OLA1: variants seen among roughly 807,000 people sequenced by gnomAD.
The protein encoded by OLA1 is Obg like ATPase 1.
In OLA1, 14 loss-of-function variants were observed where a neutral mutation model predicts 48.4. The observed-to-expected ratio is 0.29, with a 90% confidence interval of 0.19 to 0.45. The LOEUF (loss-of-function observed/expected upper bound fraction) is 0.45, where lower values mean the gene tolerates loss of function less well. Among genes scored for constraint, OLA1 ranks in the 20% least tolerant of loss-of-function variants. OLA1 has a pLI of 1.00. For synonymous variants in OLA1, 127 were observed against 150.4 expected, an observed-to-expected ratio of 0.84 and a Z score of 1.14; for missense variants, 325 against 467.1, an observed-to-expected ratio of 0.70 and a Z score of 2.80.
At chr2:174,095,325 G>GTTTTTTTTTTTTTTTTTTTTTTTTTCTT (rs1205716344) in intron 7 of OLA1, among the ~76,000 whole-genome samples, 1 of 78,010 alleles carries the variant, frequency 1.3e-5, no homozygotes, top group African/African-American at 5.0e-5. Flanking sequence ...GTTATTTCCT[G>GTTTTTTTTTTTTTTTTTTTTTTTTTCTT]TTTTTTTTTT....
intron 4 of OLA1, among the ~76,000 whole-genome samples, chr2:174,149,107 T>C (rs767202362): frequency 6.6e-6 from 1 of 152,178 alleles, no homozygotes; most frequent in Non-Finnish European, 1.5e-5. Context: ...TTTCCGCCTA[T>C]TTACAACTCA....
At chr2:174,186,592 C>T (rs1002813495) in intron 4 of OLA1, among the ~76,000 whole-genome samples, 4 of 152,126 alleles carry the variant, frequency 2.6e-5, no homozygotes, top group Admixed American at 6.5e-5. Context: ...TAAAATGGCA[C>T]GTGTTGTACA....
At chr2:174,158,850 C>T (rs1686948881) in intron 4 of OLA1, among the ~76,000 whole-genome samples, 1 of 152,090 alleles carries the variant, frequency 6.6e-6, no homozygotes, top group African/African-American at 2.4e-5. Context: ...ATCTAAAGTC[C>T]TCTAAGAATC....
At chr2:174,243,611 C>T (rs983075841) in intron 2 of OLA1, among the ~76,000 whole-genome samples, 4 of 152,074 alleles carry the variant, frequency 2.6e-5, no homozygotes, top group Non-Finnish European at 5.9e-5. Flanking sequence ...TAGAAATATA[C>T]CAATAAGCAA....
intron 9 of OLA1, 122 bp downstream of exon 9, chr2:174,081,030 A>C: frequency 1.3e-6 from 1 of 762,800 alleles, no homozygotes; most frequent in East Asian, 2.7e-5. Context: ...GTTATCCTGG[A>C]CAAAAACCTC....
chr2:174,235,016 AG>A (rs1204917350), intron 2 of OLA1, among the ~76,000 whole-genome samples: 1 of 152,082 alleles, frequency 6.6e-6, no homozygotes, highest in Non-Finnish European at 1.5e-5. Context: ...AAAATTAGCC[AG>A]GCATGGTGGC....
At chr2:174,170,333 C>T (rs1574525644) in intron 4 of OLA1, among the ~76,000 whole-genome samples, 1 of 152,208 alleles carries the variant, frequency 6.6e-6, no homozygotes, top group East Asian at 1.9e-4. Flanking sequence ...ATTGTAATCA[C>T]TAGAGCAATC....
chr2:174,106,776 GT>G (rs1685522135), intron 7 of OLA1, among the ~76,000 whole-genome samples: 1 of 152,108 alleles, frequency 6.6e-6, no homozygotes, highest in Admixed American at 6.6e-5. Context: ...CTATGCACTG[GT>G]GCATCAACTA....
Position 174,191,316 on chromosome 2 carries a change from C to T in OLA1, c.373+31717G>A, listed in dbSNP as rs183506502. Among the ~76,000 whole-genome samples the T allele has an allele frequency of 2.0e-4, 31 of 152,252 alleles. No homozygotes were observed. In the East Asian group the frequency reaches 5.8e-3, roughly 28 times the overall value. The stretch of plus-strand genomic sequence containing the variant: ...AACTGACAAGACAGAACAGCTTCAG[C>T]GTATGTTTACAATAACACTTTCTCC... On this transcript the variant is annotated intron_variant, in intron 4 of 10. Transcript: ENST00000284719.
intron 5 of OLA1, among the ~76,000 whole-genome samples, chr2:174,124,786 T>C (rs1175883725): frequency 6.6e-6 from 1 of 152,238 alleles, no homozygotes; most frequent in African/African-American, 2.4e-5. Flanking sequence ...CAGTTATTCT[T>C]CTTTAAATAT....
chr2:174,188,114 G>C (rs558627400), intron 4 of OLA1, among the ~76,000 whole-genome samples: 1 of 152,244 alleles, frequency 6.6e-6, no homozygotes, highest in South Asian at 2.1e-4. Flanking sequence ...CATTAATTCT[G>C]CAGAAGTACA....
intron 4 of OLA1, among the ~76,000 whole-genome samples, chr2:174,190,982 TG>T (rs1351208590): frequency 3.5e-5 from 5 of 143,476 alleles, no homozygotes; most frequent in Non-Finnish European, 7.5e-5. Flanking sequence ...AAAGTAACTC[TG>T]GGTCAAAGGA....
intron 5 of OLA1, among the ~76,000 whole-genome samples, chr2:174,129,524 T>C (rs2105371854): frequency 6.6e-6 from 1 of 150,900 alleles, no homozygotes; most frequent in Admixed American, 6.6e-5. Context: ...GAATGCATAA[T>C]GTGATTCCAT....
At chr2:174,173,664 C>A in intron 4 of OLA1, among the ~76,000 whole-genome samples, 1 of 147,352 alleles carries the variant, frequency 6.8e-6, no homozygotes. Context: ...GATATGAGAA[C>A]AAACTGGTGA....
At chr2:174,151,218 T>C (rs1686739482) in intron 4 of OLA1, among the ~76,000 whole-genome samples, 2 of 152,130 alleles carry the variant, frequency 1.3e-5, no homozygotes, top group African/African-American at 4.8e-5. Flanking sequence ...GAATCGCTGT[T>C]CTCTACATAC....
intron 4 of OLA1, among the ~76,000 whole-genome samples, chr2:174,222,312 C>G (rs1368594659): frequency 2.6e-5 from 4 of 152,136 alleles, no homozygotes; most frequent in Non-Finnish European, 2.9e-5. Context: ...CTATAGTTAT[C>G]TAGTTGAGGA....
intron 5 of OLA1, among the ~76,000 whole-genome samples, chr2:174,137,043 G>T (rs1299887922): frequency 6.6e-6 from 1 of 152,112 alleles, no homozygotes; most frequent in Admixed American, 6.5e-5. Context: ...AGATCCATCA[G>T]ATAAATCACT....
At chr2:174,137,739 C>G (rs1454506728) in intron 5 of OLA1, among the ~76,000 whole-genome samples, 2 of 152,238 alleles carry the variant, frequency 1.3e-5, no homozygotes. Flanking sequence ...AACTTTTCTT[C>G]TGCAGCTTCC....
At chr2:174,138,418 T>C (rs1017680702) in intron 5 of OLA1, among the ~76,000 whole-genome samples, 5 of 152,212 alleles carry the variant, frequency 3.3e-5, no homozygotes, top group Admixed American at 6.5e-5. Flanking sequence ...CTGTCTTCTA[T>C]GTGCATCGTT....
Sources: gnomAD v4.1 joint callset for allele counts (sites outside exome capture counted in the v4.1 genomes callset) on GRCh38, gnomAD v4.1.1 for gene constraint, MANE v1.5 for transcripts, NCBI Gene and HGNC (gene_info 2026-07-23, HGNC 2026-07-21) for gene names.